CDH13: variants seen among roughly 807,000 people sequenced by gnomAD.
CDH13 encodes cadherin-13.
Under a neutral mutation model 63.8 loss-of-function variants are expected in CDH13, and 24 were observed. The ratio of observed to expected loss-of-function variants is 0.38; its 90% CI spans 0.27 to 0.53. The LOEUF (loss-of-function observed/expected upper bound fraction) is 0.53, where lower values mean the gene tolerates loss of function less well. Among genes scored for constraint, CDH13 ranks in the 20% least tolerant of loss-of-function variants. The pLI is 0.85. For synonymous variants in CDH13, 503 were observed against 355.3 expected, an observed-to-expected ratio of 1.42 and a Z score of -4.67; for missense variants, 1,049 against 903.1, an observed-to-expected ratio of 1.16 and a Z score of -2.07.
intron 2 of CDH13, among the ~76,000 whole-genome samples, chr16:82,870,252 T>A (rs774460703): frequency 3.9e-5 from 6 of 151,906 alleles, no homozygotes; most frequent in Non-Finnish European, 7.4e-5. Context: ...TGCAAAAAAA[T>A]GTATATATAA....
intron 5 of CDH13, among the ~76,000 whole-genome samples, chr16:83,317,745 A>T (rs1422644950): frequency 6.6e-6 from 1 of 151,790 alleles, no homozygotes; most frequent in African/African-American, 2.4e-5. Flanking sequence ...GGTTGCAGTG[A>T]GCCAAGACTG....
chr16:83,287,051 C>T (rs796386408), intron 5 of CDH13, among the ~76,000 whole-genome samples: 12 of 152,164 alleles, frequency 7.9e-5, no homozygotes, highest in Admixed American at 3.3e-4. Flanking sequence ...CCTTCATGAG[C>T]GCATGCTGAA....
At chr16:82,855,962 G>T (rs958597891) in intron 1 of CDH13, among the ~76,000 whole-genome samples, 4 of 152,178 alleles carry the variant, frequency 2.6e-5, no homozygotes, top group African/African-American at 7.2e-5. Context: ...TTCTTCAACT[G>T]TCTGTGTGCA....
At chr16:83,287,934 C>T (rs1288349435) in intron 5 of CDH13, among the ~76,000 whole-genome samples, 4 of 152,050 alleles carry the variant, frequency 2.6e-5, no homozygotes, top group African/African-American at 9.7e-5. Context: ...GGATCAAAAT[C>T]AATGCAGAAA....
intron 7 of CDH13, among the ~76,000 whole-genome samples, chr16:83,492,771 G>C (rs140901754): frequency 2.0e-5 from 3 of 152,102 alleles, no homozygotes; most frequent in Non-Finnish European, 4.4e-5. Flanking sequence ...GATGGGGAAG[G>C]CCAGGGTCTT....
intron 1 of CDH13, among the ~76,000 whole-genome samples, chr16:82,793,108 G>A (rs2036401891): frequency 6.6e-6 from 1 of 152,180 alleles, no homozygotes; most frequent in Admixed American, 6.5e-5. Context: ...GCATTTCAGG[G>A]GCGACTAAAC....
At chr16:82,805,728 C>T (rs552114515) in intron 1 of CDH13, among the ~76,000 whole-genome samples, 2 of 152,276 alleles carry the variant, frequency 1.3e-5, no homozygotes, top group South Asian at 4.2e-4. Flanking sequence ...GGTGCTTTTG[C>T]CGAAGGAATT....
At chr16:83,562,311 G>A (rs1195112273) in intron 7 of CDH13, among the ~76,000 whole-genome samples, 1 of 152,074 alleles carries the variant, frequency 6.6e-6, no homozygotes, top group Non-Finnish European at 1.5e-5. Context: ...TGTGTCAGCA[G>A]AGTTCAGCTC....
chr16:83,649,462 C>T (rs964777348), intron 8 of CDH13, among the ~76,000 whole-genome samples: 4 of 152,250 alleles, frequency 2.6e-5, no homozygotes, highest in Non-Finnish European at 5.9e-5. Flanking sequence ...CTCAGAGCTG[C>T]TTTTTCTTTG....
chr16:83,242,436 A>AT (rs1047873354), intron 5 of CDH13, among the ~76,000 whole-genome samples: 20 of 152,174 alleles, frequency 1.3e-4, no homozygotes, highest in African/African-American at 4.1e-4. Flanking sequence ...ACATCAAAAG[A>AT]TTTTTTCCCC....
At chr16:82,802,782 C>T (rs75412462) in intron 1 of CDH13, among the ~76,000 whole-genome samples, 1,730 of 152,278 alleles carry the variant, frequency 0.011, 34 homozygotes, top group African/African-American at 0.04. Flanking sequence ...ATTTCTGCCT[C>T]CCTCTTCAAG....
At chr16:82,655,344 G>A (rs1211277002) in intron 1 of CDH13, among the ~76,000 whole-genome samples, 1 of 152,220 alleles carries the variant, frequency 6.6e-6, no homozygotes, top group Non-Finnish European at 1.5e-5. Flanking sequence ...GGTTGGGGGT[G>A]AGGGGAGGTG....
intron 5 of CDH13, among the ~76,000 whole-genome samples, chr16:83,323,367 G>A (rs1318121109): frequency 3.4e-5 from 5 of 148,928 alleles, no homozygotes; most frequent in Admixed American, 6.7e-5. Context: ...GCTCTGACCC[G>A]CCTCCTGGGT....
intron 5 of CDH13, among the ~76,000 whole-genome samples, chr16:83,304,156 G>T (rs558644540): frequency 6.6e-6 from 1 of 152,172 alleles, no homozygotes; most frequent in Non-Finnish European, 1.5e-5. Flanking sequence ...GGAGAGGTAG[G>T]TGAGGGCTGG....
At chr16:83,264,502 A>G (rs953353205) in intron 5 of CDH13, among the ~76,000 whole-genome samples, 7 of 151,608 alleles carry the variant, frequency 4.6e-5, no homozygotes, top group Non-Finnish European at 7.4e-5. Context: ...TATTATACAC[A>G]TGTATGTGTG....
chr16:83,057,589 TA>T (rs11354363), intron 3 of CDH13, among the ~76,000 whole-genome samples: 74,054 of 147,532 alleles, frequency 0.5, 18,631 homozygotes, highest in East Asian at 0.69. Context: ...TTTCTATTGT[TA>T]AAAAAAAAAA....
In CDH13 at chr16:82,926,984, T is replaced by C. The variant is rs150066454; in HGVS notation, c.157+68511T>C. 3.5e-3 allele frequency among the ~76,000 whole-genome samples: 533 copies of C among 151,908 alleles called. 3 individuals are homozygous for C. Among genetic ancestry groups the C allele is most frequent in the Middle Eastern group, 6.8e-3 (2 of 292 alleles). On this transcript the variant is annotated intron_variant, in intron 2 of 13. Transcript: ENST00000567109. ...GGGCTCAATGGGGACTATTCATCTC[T>C]GTTTTTCACGGTGTCAGTTAGGGTA...
rs558072455 is a variant in CDH13 at position 83,652,149 on chromosome 16, A to G, written c.1102-18641A>G. 3.3e-4 allele frequency among the ~76,000 whole-genome samples: 50 copies of G among 152,346 alleles called. No individual in the cohort carries two copies. In the East Asian group the frequency reaches 7.7e-3, roughly 24 times the overall value. ...CTCATGGGAATTACAGTCGGGCCCA[A>G]GGGGTCTATTTGAAATGGGAATCAG... On this transcript the variant is annotated intron_variant, in intron 8 of 13. Transcript: ENST00000567109.
intron 5 of CDH13, among the ~76,000 whole-genome samples, chr16:83,255,192 T>C (rs1330075923): frequency 2.0e-5 from 3 of 152,180 alleles, no homozygotes; most frequent in African/African-American, 7.2e-5. Context: ...TCCTTGAAAC[T>C]AATTGTGCCA....
Sources: allele counts gnomAD v4.1 joint callset (sites outside exome capture counted in the v4.1 genomes callset), GRCh38; gene constraint gnomAD v4.1.1; transcripts MANE v1.5; gene names NCBI Gene and HGNC (gene_info 2026-07-23, HGNC 2026-07-21).